Variants in NSD2 observed in about 807,000 individuals in gnomAD.
NSD2 encodes nuclear receptor binding SET domain protein 2.
NSD2 carries 12 observed loss-of-function variants against 139.0 expected under a neutral mutation model. The observed-to-expected ratio is 0.09, with a 90% confidence interval of 0.06 to 0.14. NSD2 has a LOEUF of 0.14. Ranked by LOEUF, NSD2 falls within the 10% of genes least tolerant of loss-of-function variation. The pLI, the probability that NSD2 is intolerant of heterozygous loss-of-function variation, is 1.00. For synonymous variants in NSD2, 669 were observed against 648.7 expected (o/e 1.03, Z -0.48); for missense variants, 1,155 against 1,745.0 (o/e 0.66, Z 6.02).
rs755236557 is a variant in NSD2, at chr4:1,979,491, G to A, written c.*582G>A. The A allele has an allele frequency of 8.6e-6, 2 of 233,078 alleles. No individual in the cohort carries two copies. Among genetic ancestry groups the A allele is most frequent in the Non-Finnish European group, 1.7e-5 (2 of 118,010 alleles). The allele number at this position is 233,078 out of a possible 1,614,324, so 14.4% of individuals were successfully genotyped here. On this transcript the variant is annotated 3_prime_UTR_variant, in exon 22 of 22. Coordinates refer to ENST00000508803, the MANE Select transcript of NSD2 (RefSeq NM_001042424.3). ...TCAGAAACGCTTCTTTTCCATCCTA[G>A]TGAGAAGCTGGCCCTGCAGGTGGTG...
intron 18 of NSD2, among the ~76,000 whole-genome samples, chr4:1,963,890 C>T (rs1725611194): frequency 6.6e-6 from 1 of 152,148 alleles, no homozygotes; most frequent in African/African-American, 2.4e-5. Flanking sequence ...TCCAGCTACT[C>T]AGGAGGCTGA....
At chr4:1,872,451 C>T (rs528616882) in intron 1 of NSD2, among the ~76,000 whole-genome samples, 4 of 152,168 alleles carry the variant, frequency 2.6e-5, no homozygotes, top group Admixed American at 2.0e-4. Flanking sequence ...TGTATAGGAC[C>T]CATTGCAGCA....
In NSD2 at chr4:1,953,132, G is replaced by A; in HGVS notation, c.2138-192G>A. 19 of 1,546,560 alleles carry A rather than the reference G, an allele frequency of 1.2e-5. 1 individual carries two copies. The highest frequency in any genetic ancestry group is 1.7e-5 in the Non-Finnish European group (19 of 1,144,634). On this transcript the variant is annotated intron_variant, in intron 11 of 21. Coordinates refer to ENST00000508803, the MANE Select transcript of NSD2 (RefSeq NM_001042424.3). Reference sequence around the variant, plus strand: ...GAAGCTGGAGCTCAGATCGCAGCAAGGTAATCCTTGATGGCTGGATCTTTT... The same window carrying A: ...GAAGCTGGAGCTCAGATCGCAGCAAAGTAATCCTTGATGGCTGGATCTTTT...
chr4:1,954,959 C>T (rs540274873), intron 12 of NSD2, among the ~76,000 whole-genome samples: 5 of 152,318 alleles, frequency 3.3e-5, no homozygotes, highest in African/African-American at 7.2e-5. Flanking sequence ...CTGAGACACG[C>T]GGCATTTTAG....
At chr4:1,883,631 CAAAAAA>C (rs558413845) in intron 1 of NSD2, among the ~76,000 whole-genome samples, 6 of 74,144 alleles carry the variant, frequency 8.1e-5, no homozygotes, top group African/African-American at 9.6e-5. Flanking sequence ...ACTTTGTTTC[CAAAAAA>C]AAAAAAAAAA....
chr4:1,935,318 G>T (rs1237030195), intron 7 of NSD2, 56 bp downstream of exon 7: 1 of 1,388,012 alleles, frequency 7.2e-7, no homozygotes, highest in Non-Finnish European at 1.0e-6. Flanking sequence ...GTGACTCTTG[G>T]TGCCACTGTT....
At chr4:1,889,121 C>G (rs1696130702) in intron 1 of NSD2, among the ~76,000 whole-genome samples, 1 of 152,052 alleles carries the variant, frequency 6.6e-6, no homozygotes, top group African/African-American at 2.4e-5. Context: ...TGGTCTGGAA[C>G]TCCTGACCTC....
chr4:1,885,792 G>A (rs975670707), intron 1 of NSD2, among the ~76,000 whole-genome samples: 13 of 152,090 alleles, frequency 8.5e-5, no homozygotes, highest in Admixed American at 7.9e-4. Context: ...CTGAGTACAG[G>A]TAGTTCCTCA....
chr4:1,884,751 C>T (rs753524447), intron 1 of NSD2, among the ~76,000 whole-genome samples: 2 of 152,166 alleles, frequency 1.3e-5, no homozygotes, highest in African/African-American at 4.8e-5. Flanking sequence ...GATTATATAT[C>T]GTGTTAACAG....
At chr4:1,913,049 G>C (rs903740203) in intron 3 of NSD2, among the ~76,000 whole-genome samples, 12 of 152,194 alleles carry the variant, frequency 7.9e-5, no homozygotes, top group African/African-American at 2.9e-4. Context: ...TCATTAGTTT[G>C]TAGCATTACT....
At chr4:1,977,632 C>T (rs1727234733) in intron 21 of NSD2, among the ~76,000 whole-genome samples, 1 of 151,802 alleles carries the variant, frequency 6.6e-6, no homozygotes, top group Non-Finnish European at 1.5e-5. Context: ...AAAAATTAGA[C>T]TGGTGTGGTG....
intron 9 of NSD2, chr4:1,940,145 G>A: frequency 8.8e-7 from 1 of 1,135,942 alleles, no homozygotes; most frequent in Non-Finnish European, 1.1e-6. Context: ...AGGGCACAGT[G>A]TCAGTTGAGC....
intron 5 of NSD2, among the ~76,000 whole-genome samples, chr4:1,925,359 G>A (rs1369165237): frequency 7.0e-6 from 1 of 142,786 alleles, no homozygotes; most frequent in Non-Finnish European, 1.5e-5. Context: ...GCTACTTGCT[G>A]ACTCTTTAGA....
At chr4:1,887,881 G>A (rs1715232715) in intron 1 of NSD2, among the ~76,000 whole-genome samples, 1 of 151,880 alleles carries the variant, frequency 6.6e-6, no homozygotes, top group African/African-American at 2.4e-5. Flanking sequence ...GGGATGGTCA[G>A]TTACACTAGA....
Position 1,948,217 on chromosome 4 carries a change from A to G in NSD2, c.1882-2855A>G, listed in dbSNP as rs1723836756. ...CAGTGCCGCAGCATGGCTGTGGTGG[A>G]CGCGGGAAACAACGGGAAAGTTCTT... On this transcript the variant is annotated intron_variant, in intron 9 of 21. Transcript: ENST00000508803. The surrounding 1 kb of genome is among the most constrained non-coding windows in gnomAD (Gnocchi z 4.5). The G allele has an allele frequency of 9.4e-7, 1 of 1,064,256 alleles. No individual in the cohort carries two copies. The highest frequency in any genetic ancestry group is 4.6e-5 in the South Asian group (1 of 21,960). The allele number at this position is 1,064,256 out of a possible 1,614,324, so 65.9% of individuals were successfully genotyped here. A position where few individuals can be genotyped will look rare whatever the true frequency, so the allele number is the denominator to read the frequency against.
intron 1 of NSD2, among the ~76,000 whole-genome samples, chr4:1,890,752 C>G (rs1715465980): frequency 6.6e-6 from 1 of 152,066 alleles, no homozygotes. Context: ...GCGCCCACCA[C>G]CACGCTTGGC....
rs918624876 is a variant in NSD2, at chr4:1,976,119, TGAG to T, written c.3622-352_3622-350del. 3.3e-5 allele frequency among the ~76,000 whole-genome samples: 5 copies of T among 152,196 alleles called. No individual in the cohort carries two copies. Among genetic ancestry groups the T allele is most frequent in the Non-Finnish European group, 7.3e-5 (5 of 68,034 alleles). On this transcript the variant is annotated intron_variant, in intron 20 of 21. Coordinates refer to ENST00000508803, the MANE Select transcript of NSD2 (RefSeq NM_001042424.3). This position sits in a 1 kb window ranked among gnomAD's most constrained non-coding sequence, Gnocchi z 5.3. ...CCCACGTTCCTGTGGAATTTCCTAA[TGAG>T]GAGACCCTGGGTGGCGGGCGGGAGC...
At chr4:1,895,318 T>C (rs1432748226) in intron 1 of NSD2, among the ~76,000 whole-genome samples, 1 of 152,236 alleles carries the variant, frequency 6.6e-6, no homozygotes, top group Admixed American at 6.5e-5. Context: ...TTCAATGTTA[T>C]AATCCCAACA....
intron 1 of NSD2, among the ~76,000 whole-genome samples, chr4:1,895,425 T>A (rs1380042621): frequency 6.6e-6 from 1 of 152,230 alleles, no homozygotes; most frequent in Non-Finnish European, 1.5e-5. Flanking sequence ...ATGGTTTTCA[T>A]CTCTTTATCA....
Sources: allele counts gnomAD v4.1 joint callset (sites outside exome capture counted in the v4.1 genomes callset), GRCh38; gene constraint gnomAD v4.1.1; non-coding constraint Gnocchi (gnomAD v3.1); transcripts MANE v1.5; gene names NCBI Gene and HGNC (gene_info 2026-07-23, HGNC 2026-07-21).